The following PODXL2 variants were observed in gnomAD, a reference collection of about 807,000 sequenced individuals.
The protein encoded by PODXL2 is podocalyxin like 2, also known as podocalyxin-like protein 2.
A neutral mutation model predicts 53.4 loss-of-function variants in PODXL2; 17 were observed. The ratio of observed to expected loss-of-function variants is 0.32; its 90% CI spans 0.22 to 0.48. The LOEUF is 0.48. Ranked by LOEUF, PODXL2 falls within the 20% of genes least tolerant of loss-of-function variation. The pLI, the probability that PODXL2 is intolerant of heterozygous loss-of-function variation, is 0.99. For missense variants in PODXL2, 673 were observed against 760.0 expected (o/e 0.89, Z 1.35); for synonymous variants, 311 against 306.7 (o/e 1.01, Z -0.15).
chr3:127,650,918 C>G (rs1314057827), intron 2 of PODXL2, among the ~76,000 whole-genome samples: 2 of 152,156 alleles, frequency 1.3e-5, no homozygotes, highest in Admixed American at 1.3e-4. Context: ...CTCAGCCTCC[C>G]AAAGTGCTGG....
intron 1 of PODXL2, among the ~76,000 whole-genome samples, chr3:127,633,916 G>A (rs1026168423): frequency 6.6e-6 from 1 of 151,590 alleles, no homozygotes; most frequent in Non-Finnish European, 1.5e-5. Context: ...AGATACGGAT[G>A]TTCAAGCAGA....
rs969859253 is a variant in PODXL2, at chr3:127,671,491, C to G, written c.1483C>G (p.Arg495Gly). 5 of 1,614,160 alleles carry G rather than the reference C, an allele frequency of 3.1e-6. No homozygotes were observed. The highest frequency in any genetic ancestry group is 1.7e-5 in the Admixed American group (1 of 60,030). ...CTGCCAGGCGCGGGCCAGCCAGGTGCGCAGCGACTACGGCACGCTCTTCGT... is the reference window on the plus strand; with the variant it reads ...CTGCCAGGCGCGGGCCAGCCAGGTGGGCAGCGACTACGGCACGCTCTTCGT... ...SSCQARASQV[R>G]SDYGTLFVVL... The change falls in exon 7 of 8, where the codon CGC (arginine) becomes GGC (glycine). Residue 495 changes from arginine (R) to glycine (G), a missense_variant. Around this residue, in one of 3 missense-constraint regions of PODXL2, gnomAD observed 588 missense variants for 668.3 expected, o/e 0.88. Transcript: ENST00000342480.
intron 6 of PODXL2, among the ~76,000 whole-genome samples, chr3:127,671,174 G>A (rs950361015): frequency 3.3e-5 from 5 of 152,188 alleles, no homozygotes; most frequent in Non-Finnish European, 5.9e-5. Context: ...CAGACTCAGC[G>A]GCTGGGGCAG....
chr3:127,657,217 C>T (rs547220975), intron 2 of PODXL2, among the ~76,000 whole-genome samples: 20 of 152,316 alleles, frequency 1.3e-4, no homozygotes, highest in Non-Finnish European at 2.6e-4. Context: ...GATGTTGATG[C>T]TCTCTCTGAC....
intron 2 of PODXL2, among the ~76,000 whole-genome samples, chr3:127,653,662 AAAAG>A (rs1243615452): frequency 2.6e-4 from 38 of 147,098 alleles, no homozygotes; most frequent in Admixed American, 1.3e-3. Context: ...GAAAAAAAAA[AAAAG>A]AGAGAAAGTG....
chr3:127,633,810 C>T (rs1431115746), intron 1 of PODXL2, among the ~76,000 whole-genome samples: 2 of 151,790 alleles, frequency 1.3e-5, no homozygotes, highest in Non-Finnish European at 2.9e-5. Context: ...GTGTCTCATC[C>T]AGACTTGGAG....
chr3:127,651,030 C>T (rs1490218458), intron 2 of PODXL2, among the ~76,000 whole-genome samples: 1 of 152,154 alleles, frequency 6.6e-6, no homozygotes, highest in Non-Finnish European at 1.5e-5. Flanking sequence ...TTCGGGAGGC[C>T]GAGACGGGTG....
chr3:127,651,533 CAAT>C (rs1222325694), intron 2 of PODXL2, among the ~76,000 whole-genome samples: 2 of 152,136 alleles, frequency 1.3e-5, no homozygotes, highest in Admixed American at 1.3e-4. Flanking sequence ...AGGGGTAAGT[CAAT>C]AACACAGAAA....
At chr3:127,639,630 GT>G (rs1559873174) in intron 2 of PODXL2, 107 bp downstream of exon 2, 4 of 1,064,506 alleles carry the variant, frequency 3.8e-6, no homozygotes, top group Non-Finnish European at 5.5e-6. Context: ...TCTCCCTACA[GT>G]TTTTACCATG....
chr3:127,661,821 C>T (rs971971667), intron 3 of PODXL2, among the ~76,000 whole-genome samples: 2 of 152,132 alleles, frequency 1.3e-5, no homozygotes, highest in African/African-American at 2.4e-5. Context: ...CACCACCCTC[C>T]TCCTCCCCAC....
intron 1 of PODXL2, among the ~76,000 whole-genome samples, chr3:127,631,183 T>C (rs1436824089): frequency 2.6e-5 from 4 of 152,206 alleles, no homozygotes; most frequent in Non-Finnish European, 2.9e-5. Context: ...CAGCAGTTCC[T>C]GTTGTCGCTG....
At chr3:127,669,606 A>G (rs1303748021) in intron 6 of PODXL2, among the ~76,000 whole-genome samples, 4 of 152,180 alleles carry the variant, frequency 2.6e-5, no homozygotes, top group Non-Finnish European at 4.4e-5. Flanking sequence ...CCAGAAACCA[A>G]AAGAGCAAGC....
chr3:127,647,188 T>A (rs1009135348), intron 2 of PODXL2, among the ~76,000 whole-genome samples: 1 of 152,132 alleles, frequency 6.6e-6, no homozygotes, highest in African/African-American at 2.4e-5. Context: ...CTTGAAAATA[T>A]TATGATTCTG....
intron 2 of PODXL2, among the ~76,000 whole-genome samples, chr3:127,656,724 G>A (rs2074726892): frequency 1.0e-5 from 1 of 97,398 alleles, no homozygotes; most frequent in Non-Finnish European, 1.9e-5. Context: ...GACAGAGCAA[G>A]ACTCCATCTC....
In PODXL2 at chr3:127,660,431, C is replaced by T; in HGVS notation, c.403C>T (p.Gln135Ter). Residue 135 changes from glutamine to a stop codon, truncating the protein, a stop_gained, in exon 3 of 8, where the codon CAG becomes TAG. Coordinates refer to ENST00000342480, the MANE Select transcript of PODXL2 (RefSeq NM_015720.4). LOFTEE classifies it high-confidence loss of function. ...EKAGSIEDTSQAQELPNLPSP... is the reference protein window; with the variant it reads ...EKAGSIEDTS ...GGCAGGTTCCATTGAAGACACCAGCCAGGCTCAAGAGCTGCCAAACCTCCC... is the reference window on the plus strand; with the variant it reads ...GGCAGGTTCCATTGAAGACACCAGCTAGGCTCAAGAGCTGCCAAACCTCCC... The T allele has an allele frequency of 6.2e-7, 1 of 1,614,130 alleles. No individual in the cohort carries two copies. Among genetic ancestry groups the T allele is most frequent in the Non-Finnish European group, 8.5e-7 (1 of 1,179,960 alleles).
intron 7 of PODXL2, 110 bp downstream of exon 7, chr3:127,671,723 C>A: frequency 9.4e-7 from 1 of 1,067,592 alleles, no homozygotes; most frequent in Non-Finnish European, 1.4e-6. Flanking sequence ...CACAGGGTCC[C>A]GTGGGTGAAG....
intron 1 of PODXL2, among the ~76,000 whole-genome samples, chr3:127,635,768 C>T (rs950507554): frequency 4.6e-5 from 7 of 152,328 alleles, no homozygotes; most frequent in Middle Eastern, 3.4e-3. Context: ...AGTTTGAAAG[C>T]ACTGGATTAA....
intron 2 of PODXL2, among the ~76,000 whole-genome samples, chr3:127,639,779 C>T (rs1439861319): frequency 6.6e-6 from 1 of 152,190 alleles, no homozygotes; most frequent in Non-Finnish European, 1.5e-5. Context: ...CAATCTGATG[C>T]TTATAACCTG....
intron 2 of PODXL2, among the ~76,000 whole-genome samples, chr3:127,660,062 T>G (rs1237888692): frequency 6.6e-6 from 1 of 152,216 alleles, no homozygotes; most frequent in Non-Finnish European, 1.5e-5. Flanking sequence ...GCAAGCACAT[T>G]ACAAACACAG....
Sources: gnomAD v4.1 joint callset for allele counts (sites outside exome capture counted in the v4.1 genomes callset) on GRCh38, gnomAD v4.1.1 for gene constraint, gnomAD v4.1.1 regional missense constraint, MANE v1.5 for transcripts, NCBI Gene and HGNC (gene_info 2026-07-23, HGNC 2026-07-21) for gene names.